The following HEATR3 variants were observed in gnomAD, a reference collection of about 807,000 sequenced individuals.
HEATR3 encodes HEAT repeat containing 3.
In HEATR3, 56 loss-of-function variants were observed where a neutral mutation model predicts 72.8. The observed-to-expected ratio is 0.77, with a 90% CI of 0.62 to 0.96. The LOEUF (loss-of-function observed/expected upper bound fraction) is 0.96, where lower values mean the gene tolerates loss of function less well. Ranked by LOEUF, HEATR3 falls within the 40% of genes least tolerant of loss-of-function variation. The pLI is 0.00. For synonymous variants in HEATR3, 331 were observed against 318.1 expected (o/e 1.04, Z -0.43); for missense variants, 747 against 831.4 (o/e 0.90, Z 1.25).
In HEATR3 at chr16:50,086,258, CT is replaced by C. The variant is rs1245338333; in HGVS notation, c.1419del (p.Val474CysfsTer39). ...QCRALFCLQSLVSLLDVEHLG... is the reference protein window; with the variant it reads ...QCRALFCLQSXVSLLDVEHLG... The stretch of plus-strand genomic sequence containing the variant: ...CAGAGCCCTCTTCTGTCTCCAGAGT[CT>C]TGTGTCCCTCCTGGATGTGGAGCAC... On this transcript the variant is annotated frameshift_variant, in exon 11 of 15. Transcript: ENST00000299192. LOFTEE classifies it high-confidence loss of function. 1 of 1,582,316 alleles carries C rather than the reference CT, an allele frequency of 6.3e-7. No individual in the cohort carries two copies. The highest frequency in any genetic ancestry group is 1.8e-5 in the Admixed American group (1 of 55,712).
At position 50,070,162 on chromosome 16, in the gene HEATR3, T is replaced by G; in HGVS notation, c.400-16T>G. The G allele has an allele frequency of 3.6e-4, 479 of 1,325,598 alleles. No individual in the cohort carries two copies. The highest frequency in any genetic ancestry group is 4.7e-4 in the Non-Finnish European group (437 of 930,834). The allele number at this position is 1,325,598 out of a possible 1,614,324, so 82.1% of individuals were successfully genotyped here. A position where few individuals can be genotyped will look rare whatever the true frequency, so the allele number is the denominator to read the frequency against. Reference sequence around the variant, plus strand: ...TTCTTAGGAACCAGGGTGCTAATCATGATATTTGGTTACAGTGTAGTGCTG... The same window carrying G: ...TTCTTAGGAACCAGGGTGCTAATCAGGATATTTGGTTACAGTGTAGTGCTG... On this transcript the variant is annotated splice_polypyrimidine_tract_variant and intron_variant, in intron 3 of 14. Coordinates refer to ENST00000299192, the MANE Select transcript of HEATR3 (RefSeq NM_182922.4).
At chr16:50,104,716 G>A (rs1432272941) in intron 14 of HEATR3, among the ~76,000 whole-genome samples, 1 of 152,112 alleles carries the variant, frequency 6.6e-6, no homozygotes, top group Non-Finnish European at 1.5e-5. Context: ...CCTACCACCT[G>A]CCATTCAGTC....
Position 50,100,290 on chromosome 16 carries a change from G to C in HEATR3, c.1660G>C (p.Gly554Arg). Residue 554 changes from glycine to arginine, a missense_variant, in exon 13 of 15, where the codon GGG becomes CGG. Gly to Arg is a moderately radical substitution (Grantham distance 125). Transcript: ENST00000299192. ...CKAGIHSSNV[G>R]VRVNVVSILG... is the part of the protein sequence containing the mutation. ...AGCAGGCATTCATAGTAGTAATGTC[G>C]GGGTTAGAGTGAATGTCGTTAGCAT... 2 of 1,613,878 alleles carry C rather than the reference G, an allele frequency of 1.2e-6. No individual in the cohort carries two copies. The highest frequency in any genetic ancestry group is 1.1e-5 in the South Asian group (1 of 91,080).
chr16:50,087,340 A>G (rs893769048), intron 11 of HEATR3, among the ~76,000 whole-genome samples: 1 of 152,218 alleles, frequency 6.6e-6, no homozygotes, highest in Non-Finnish European at 1.5e-5. Context: ...ACAAAGATCT[A>G]TAGCGATACA....
Position 50,094,774 on chromosome 16 carries a change from C to T in HEATR3, c.1580C>T (p.Ala527Val). Residue 527 changes from alanine to valine, a missense_variant, in exon 12 of 15, where the codon GCC becomes GTC. Physicochemically the swap from Ala to Val is moderately conservative, Grantham distance 64 (BLOSUM62 0). Transcript: ENST00000299192. ...TTGAGGGCCCTTTTGCAAACAATGG[C>T]CTCCAAGAACATTTCCCAGGTAAGA... ...SALRALLQTMASKNISQCMTP... is the reference protein window; with the variant it reads ...SALRALLQTMVSKNISQCMTP... The T allele has an allele frequency of 6.3e-7, 1 of 1,593,414 alleles. No homozygotes were observed. The highest frequency in any genetic ancestry group is 8.5e-7 in the Non-Finnish European group (1 of 1,170,492).
At chr16:50,096,850 T>G (rs2037250288) in intron 12 of HEATR3, among the ~76,000 whole-genome samples, 1 of 152,212 alleles carries the variant, frequency 6.6e-6, no homozygotes. Context: ...TATTCTCATA[T>G]TCTTAAATCT....
intron 4 of HEATR3, among the ~76,000 whole-genome samples, chr16:50,071,671 C>A (rs1335356147): frequency 1.3e-5 from 2 of 152,160 alleles, no homozygotes; most frequent in African/African-American, 4.8e-5. Context: ...TGGGCTCCTT[C>A]ATGCTGCCAT....
intron 6 of HEATR3, among the ~76,000 whole-genome samples, chr16:50,078,066 G>A (rs1483189518): frequency 3.3e-5 from 5 of 151,664 alleles, no homozygotes; most frequent in Admixed American, 6.6e-5. Flanking sequence ...TAGTAGAGAT[G>A]AGGTTTCACC....
In HEATR3 at chr16:50,083,485, G is replaced by GTGTTA. The variant is rs1297088804; in HGVS notation, c.1042-451_1042-447dup. Among the ~76,000 whole-genome samples, 4 of 152,284 alleles carry GTGTTA rather than the reference G, an allele frequency of 2.6e-5. No homozygotes were observed. In the South Asian group the frequency reaches 6.2e-4, roughly 24 times the overall value. ...TCACATAAGGGCTCGTTAGTAGTGT[G>GTGTTA]TGTTAGCGCAGCCATTCCAAGAAAG... On this transcript the variant is annotated intron_variant, in intron 7 of 14. Coordinates refer to ENST00000299192, the MANE Select transcript of HEATR3 (RefSeq NM_182922.4).
Position 50,107,006 on chromosome 16 carries a change from T to C in HEATR3, c.*1945T>C, listed in dbSNP as rs1348874890. On this transcript the variant is annotated 3_prime_UTR_variant, in exon 15 of 15. Transcript: ENST00000299192. ...GAATTTTAAGGTATATATGTATGTT[T>C]AGTGATCATTTCAGCTAAATGATTG... Among the ~76,000 whole-genome samples, 1 of 152,190 alleles carries C rather than the reference T, an allele frequency of 6.6e-6. No homozygotes were observed. The highest frequency in any genetic ancestry group is 1.5e-5 in the Non-Finnish European group (1 of 68,042).
intron 2 of HEATR3, among the ~76,000 whole-genome samples, chr16:50,067,850 A>G (rs962875771): frequency 7.2e-5 from 11 of 152,334 alleles, no homozygotes; most frequent in Admixed American, 3.3e-4. Context: ...GAGCAAGGCA[A>G]TGTCTCTCCT....
At chr16:50,101,105 GCTTTTTTTTTTTT>G (rs1424205068) in intron 13 of HEATR3, among the ~76,000 whole-genome samples, 3 of 65,070 alleles carry the variant, frequency 4.6e-5, no homozygotes, top group African/African-American at 9.9e-5. Flanking sequence ...TACTTGCAAA[GCTTTTTTTTTTTT>G]CTTTTTTTTT....
In HEATR3 at chr16:50,079,016, C is replaced by G. The variant is rs757486105; in HGVS notation, c.1039C>G (p.Pro347Ala). 149 of 1,609,914 alleles carry G rather than the reference C, an allele frequency of 9.3e-5. No individual in the cohort carries two copies. Among genetic ancestry groups the G allele is most frequent in the Non-Finnish European group, 1.2e-4 (139 of 1,178,258 alleles). The change falls in exon 7 of 15, where the codon CCG becomes GCG. Residue 347 changes from proline (P) to alanine (A), a missense_variant and splice_region_variant. Pro to Ala is a conservative substitution (Grantham distance 27, BLOSUM62 -1). Transcript: ENST00000299192. ...RRKTFVSDLL[P>A]PTDKELRETI... ...GAAAACTTTCGTTTCAGATTTACTT[C>G]CGGTAAGTCAGGTTGCTGTTCTCAA...
intron 7 of HEATR3, among the ~76,000 whole-genome samples, chr16:50,081,202 G>A (rs2036858873): frequency 6.6e-6 from 1 of 152,180 alleles, no homozygotes; most frequent in African/African-American, 2.4e-5. Context: ...CACTTTGGGA[G>A]GCTGAGGTGG....
At chr16:50,094,365 A>G (rs993526945) in intron 11 of HEATR3, among the ~76,000 whole-genome samples, 7 of 152,238 alleles carry the variant, frequency 4.6e-5, no homozygotes, top group Non-Finnish European at 8.8e-5. Context: ...ATGGAGATCT[A>G]TGAATGACAG....
intron 12 of HEATR3, among the ~76,000 whole-genome samples, chr16:50,095,138 G>A (rs181981963): frequency 6.7e-6 from 1 of 149,296 alleles, no homozygotes; most frequent in Non-Finnish European, 1.5e-5. Flanking sequence ...TTTTGAGACA[G>A]AGTCTTCCTC....
At chr16:50,080,855 A>G (rs2036851421) in intron 7 of HEATR3, among the ~76,000 whole-genome samples, 2 of 152,088 alleles carry the variant, frequency 1.3e-5, no homozygotes, top group African/African-American at 4.8e-5. Context: ...CATCCTACTC[A>G]GGTTTCTGTT....
chr16:50,078,747 T>C lies in HEATR3; in HGVS notation c.770T>C (p.Ile257Thr). ...ATGCTTGTTTTTTTCCCAGGCACAA[T>C]TTGGAATCTAAAGGACATTATTCCA... ...LLLKTLVAGT[I>T]WNLKDIIPCK... The change falls in exon 7 of 15, where the codon ATT becomes ACT. Residue 257 changes from isoleucine (I) to threonine (T), a missense_variant. Ile to Thr is a moderately conservative substitution (Grantham distance 89). Transcript: ENST00000299192. The C allele has an allele frequency of 6.2e-7, 1 of 1,605,266 alleles. No homozygotes were observed. The highest frequency in any genetic ancestry group is 8.5e-7 in the Non-Finnish European group (1 of 1,176,188).
At position 50,072,619 on chromosome 16, in the gene HEATR3, G is replaced by C. The variant is rs747648735; in HGVS notation, c.527G>C (p.Arg176Thr). 1 of 1,606,086 alleles carries C rather than the reference G, an allele frequency of 6.2e-7. No individual in the cohort carries two copies. Among genetic ancestry groups the C allele is most frequent in the South Asian group, 1.1e-5 (1 of 90,898 alleles). ...CTTCAATTTAGTGAATGCAGTAGTA[G>C]AGCAGTGTCTATATTCAACAAAGAA... ...VLWNICECSS[R>T]AVSIFNKEGC... is the part of the protein sequence containing the mutation. Residue 176 changes from arginine to threonine, a missense_variant, in exon 5 of 15, where the codon AGA becomes ACA. This residue lies in a region of HEATR3 where 586 missense variants were observed against 708.8 expected (regional missense o/e 0.83). Coordinates refer to ENST00000299192, the MANE Select transcript of HEATR3 (RefSeq NM_182922.4).
Sources: gnomAD v4.1 joint callset for allele counts (sites outside exome capture counted in the v4.1 genomes callset) on GRCh38, gnomAD v4.1.1 for gene constraint, gnomAD v4.1.1 regional missense constraint, MANE v1.5 for transcripts, NCBI Gene and HGNC (gene_info 2026-07-23, HGNC 2026-07-21) for gene names.